The following CTTNBP2NL variants were observed in gnomAD, a reference collection of about 807,000 sequenced individuals.
CTTNBP2NL encodes the protein CTTNBP2 N-terminal like.
CTTNBP2NL carries 16 observed loss-of-function variants against 32.5 expected under a neutral mutation model. That is an observed-to-expected ratio of 0.49 (90% CI 0.33 to 0.75). The LOEUF is 0.75. CTTNBP2NL is among the 30% of genes least tolerant of loss of function. The probability of loss-of-function intolerance (pLI) is 0.02; values close to 1 mark genes in which losing one functional copy is unlikely to be tolerated. For missense variants in CTTNBP2NL, 645 were observed against 756.0 expected (o/e 0.85, Z 1.72); for synonymous variants, 298 against 289.4 (o/e 1.03, Z -0.30).
Position 112,461,109 on chromosome 1 carries a change from A to G in CTTNBP2NL, c.*3697A>G, listed in dbSNP as rs1650539967. ...TTGAGAAATGAGAGCCTGTCCACCC[A>G]CCATTTGTGTATCAGTGGCCAATTC... On this transcript the variant is annotated 3_prime_UTR_variant, in exon 6 of 6. Transcript: ENST00000271277. 6.6e-6 allele frequency: 1 copy of G among 152,192 alleles called. No individual in the cohort carries two copies. The highest frequency in any genetic ancestry group is 2.4e-5 in the African/African-American group (1 of 41,448). 9.4% of individuals were successfully genotyped at this position (152,192 alleles called of 1,614,324 possible). A position where few individuals can be genotyped will look rare whatever the true frequency, so the allele number is the denominator to read the frequency against.
rs1052735773 is a variant in CTTNBP2NL at position 112,440,350 on chromosome 1, A to G, written c.100-8592A>G. ...AAATAAACAATAATACCGATTACTT[A>G]TCATTTCTGTTAGAATTTGCATGTT... On this transcript the variant is annotated intron_variant, in intron 3 of 5. Coordinates refer to ENST00000271277, the MANE Select transcript of CTTNBP2NL (RefSeq NM_018704.3). Among the ~76,000 whole-genome samples the G allele has an allele frequency of 2.0e-5, 3 of 152,366 alleles. No individual in the cohort carries two copies. In the East Asian group the frequency reaches 5.8e-4, roughly 29 times the overall value.
intron 3 of CTTNBP2NL, among the ~76,000 whole-genome samples, chr1:112,444,604 G>A (rs893132133): frequency 6.6e-6 from 1 of 151,988 alleles, no homozygotes; most frequent in Non-Finnish European, 1.5e-5. Context: ...TGACAATGTA[G>A]GAATTTCTGT....
rs377089116 is a variant in CTTNBP2NL, at chr1:112,405,696, C to T, written c.-133-6498C>T. ...CATAAGGCTACTTCCTTCTTTTCTTCAATATACATATAAATCTTGCTGACA... is the reference window on the plus strand; with the variant it reads ...CATAAGGCTACTTCCTTCTTTTCTTTAATATACATATAAATCTTGCTGACA... On this transcript the variant is annotated intron_variant, in intron 1 of 5. Transcript: ENST00000271277. 7.2e-5 allele frequency among the ~76,000 whole-genome samples: 11 copies of T among 152,218 alleles called. No individual in the cohort carries two copies. In the East Asian group the frequency reaches 1.7e-3, roughly 24 times the overall value.
intron 4 of CTTNBP2NL, among the ~76,000 whole-genome samples, chr1:112,449,730 G>A (rs2101030874): frequency 4.3e-5 from 1 of 23,184 alleles, no homozygotes; most frequent in South Asian, 2.6e-3. Context: ...AGTGAGGGGT[G>A]TGTGTGTGTG....
intron 3 of CTTNBP2NL, among the ~76,000 whole-genome samples, chr1:112,417,180 G>A (rs906863034): frequency 3.3e-5 from 5 of 151,894 alleles, no homozygotes; most frequent in African/African-American, 1.2e-4. Flanking sequence ...CTGCTTTTCA[G>A]CCTTAGAAAC....
chr1:112,444,861 A>G (rs1234815861), intron 3 of CTTNBP2NL, among the ~76,000 whole-genome samples: 1 of 152,160 alleles, frequency 6.6e-6, no homozygotes, highest in Admixed American at 6.5e-5. Context: ...CCAGCCTCCA[A>G]GATGGCTCCC....
intron 1 of CTTNBP2NL, among the ~76,000 whole-genome samples, chr1:112,398,170 A>G (rs375012015): frequency 2.0e-5 from 3 of 152,268 alleles, no homozygotes; most frequent in African/African-American, 7.2e-5. Flanking sequence ...TAAGAGACTA[A>G]GCAAACCAAA....
At chr1:112,436,422 G>C (rs1281338361) in intron 3 of CTTNBP2NL, among the ~76,000 whole-genome samples, 1 of 152,092 alleles carries the variant, frequency 6.6e-6, no homozygotes, top group East Asian at 1.9e-4. Context: ...TTTCCATATG[G>C]TGTTGCCATC....
At chr1:112,405,549 C>T (rs113934858) in intron 1 of CTTNBP2NL, among the ~76,000 whole-genome samples, 2,858 of 152,250 alleles carry the variant, frequency 0.019, 34 homozygotes, top group Middle Eastern at 0.041. Context: ...CTGCCTGCCT[C>T]GGCATTCCAA....
intron 1 of CTTNBP2NL, among the ~76,000 whole-genome samples, chr1:112,410,324 G>A (rs766716516): frequency 2.2e-4 from 33 of 151,180 alleles, no homozygotes; most frequent in Non-Finnish European, 3.5e-4. Context: ...CCCGGGAGGC[G>A]AAGGCTGCGG....
At chr1:112,453,839 A>G (rs539664317) in intron 4 of CTTNBP2NL, among the ~76,000 whole-genome samples, 1 of 152,186 alleles carries the variant, frequency 6.6e-6, no homozygotes, top group Non-Finnish European at 1.5e-5. Flanking sequence ...GGCAAGTTAA[A>G]TAAAAGGGCG....
chr1:112,415,482 A>G (rs183666599), intron 2 of CTTNBP2NL, among the ~76,000 whole-genome samples: 1 of 152,010 alleles, frequency 6.6e-6, no homozygotes, highest in African/African-American at 2.4e-5. Flanking sequence ...TGGTCTATCA[A>G]TTTTTCAGAG....
chr1:112,409,127 C>CAA (rs36002206), intron 1 of CTTNBP2NL, among the ~76,000 whole-genome samples: 16,418 of 79,972 alleles, frequency 0.21, 1,686 homozygotes, highest in East Asian at 0.47. Context: ...GACTCTGTCT[C>CAA]AAAAAAAAAA....
chr1:112,435,983 G>C (rs1391967748), intron 3 of CTTNBP2NL, among the ~76,000 whole-genome samples: 2 of 150,110 alleles, frequency 1.3e-5, no homozygotes, highest in Admixed American at 1.3e-4. Context: ...ATGGTCATCT[G>C]TCTAAATTAC....
At position 112,460,450 on chromosome 1, in the gene CTTNBP2NL, T is replaced by C. The variant is rs1276935318; in HGVS notation, c.*3038T>C. ...GGAAAAAGCCTTTACAATAATCCAG[T>C]CTGTGATTTTTTAAACCTTTTGGTG... On this transcript the variant is annotated 3_prime_UTR_variant, in exon 6 of 6. Transcript: ENST00000271277. 1.3e-5 allele frequency: 2 copies of C among 151,800 alleles called. No homozygotes were observed. Among genetic ancestry groups the C allele is most frequent in the East Asian group, 1.9e-4 (1 of 5,200 alleles). The allele number at this position is 151,800 out of a possible 1,614,324, so 9.4% of individuals were successfully genotyped here.
chr1:112,439,972 C>G (rs558513532), intron 3 of CTTNBP2NL, among the ~76,000 whole-genome samples: 1 of 152,310 alleles, frequency 6.6e-6, no homozygotes, highest in Non-Finnish European at 1.5e-5. Flanking sequence ...AACAGAGAGG[C>G]TATTTGTTCA....
In CTTNBP2NL at chr1:112,457,172, C is replaced by T. The variant is rs1434159226; in HGVS notation, c.1680C>T (p.Ser560=). Reference sequence around the variant, plus strand: ...CAGGGAAAGTGTCCAGTCCCCTGAGCCCCCTGTCTCCAGGAATCAAGTCCC... The same window carrying T: ...CAGGGAAAGTGTCCAGTCCCCTGAGTCCCCTGTCTCCAGGAATCAAGTCCC... The part of the protein sequence containing the change: ...PTPGKVSSPL[S]PLSPGIKSPT... The change falls in exon 6 of 6, where the codon AGC becomes AGT. Residue 560 remains serine (S), a synonymous_variant. Transcript: ENST00000271277. 4 of 1,614,138 alleles carry T rather than the reference C, an allele frequency of 2.5e-6. No individual in the cohort carries two copies. Among genetic ancestry groups the T allele is most frequent in the Non-Finnish European group, 3.4e-6 (4 of 1,180,002 alleles).
intron 4 of CTTNBP2NL, among the ~76,000 whole-genome samples, chr1:112,451,570 G>A (rs560937462): frequency 1.3e-4 from 20 of 151,128 alleles, no homozygotes; most frequent in African/African-American, 4.6e-4. Context: ...TCAGGAGTTC[G>A]AGGCCAGGCC....
At chr1:112,398,848 A>G (rs1000277966) in intron 1 of CTTNBP2NL, among the ~76,000 whole-genome samples, 1 of 151,454 alleles carries the variant, frequency 6.6e-6, no homozygotes, top group Non-Finnish European at 1.5e-5. Flanking sequence ...TTAAAAAAAT[A>G]TATATGTAAT....
Sources: gnomAD v4.1 joint callset for allele counts (sites outside exome capture counted in the v4.1 genomes callset) on GRCh38, gnomAD v4.1.1 for gene constraint, MANE v1.5 for transcripts, NCBI Gene and HGNC (gene_info 2026-07-23, HGNC 2026-07-21) for gene names.